The following C8orf34 variants were observed in gnomAD, a reference collection of about 807,000 sequenced individuals.
The protein encoded by C8orf34 is chromosome 8 open reading frame 34, also known as uncharacterized protein C8orf34.
A neutral mutation model predicts 68.3 loss-of-function variants in C8orf34; 65 were observed. The observed-to-expected ratio is 0.95, with a 90% CI of 0.78 to 1.17. The LOEUF (loss-of-function observed/expected upper bound fraction) is 1.17. Among genes scored for constraint, C8orf34 ranks in the 50% most tolerant of loss-of-function variants. C8orf34 has a pLI of 0.00. For missense variants in C8orf34, 664 were observed against 655.4 expected (o/e 1.01, Z -0.14); for synonymous variants, 244 against 241.2 (o/e 1.01, Z -0.11).
intron 4 of C8orf34, among the ~76,000 whole-genome samples, chr8:68,487,661 A>T (rs188746934): frequency 6.6e-6 from 1 of 152,336 alleles, no homozygotes; most frequent in Non-Finnish European, 1.5e-5. Context: ...ATTCTTAACA[A>T]GGAGCAAAAT....
At chr8:68,603,869 C>A (rs1292604809) in intron 7 of C8orf34, among the ~76,000 whole-genome samples, 1 of 151,968 alleles carries the variant, frequency 6.6e-6, no homozygotes, top group Non-Finnish European at 1.5e-5. Flanking sequence ...CTGTGTATAA[C>A]CTCAATAAAA....
chr8:68,781,783 A>T (rs1823686326), intron 11 of C8orf34, among the ~76,000 whole-genome samples: 1 of 152,214 alleles, frequency 6.6e-6, no homozygotes, highest in Admixed American at 6.5e-5. Context: ...TACTATCTTT[A>T]TGATTACAAT....
At chr8:68,379,225 C>T (rs1333223753) in intron 1 of C8orf34, among the ~76,000 whole-genome samples, 1 of 152,134 alleles carries the variant, frequency 6.6e-6, no homozygotes, top group Non-Finnish European at 1.5e-5. Context: ...TGATGGAATG[C>T]TTTAGCAACT....
At chr8:68,331,424 C>T (rs1360375450) in intron 1 of C8orf34, 85 bp downstream of exon 1, 4 of 1,402,138 alleles carry the variant, frequency 2.9e-6, no homozygotes, top group South Asian at 1.2e-5. Flanking sequence ...AATCCCACCC[C>T]TCCCAGGGAA....
chr8:68,750,056 A>C (rs1303198185), intron 10 of C8orf34, among the ~76,000 whole-genome samples: 1 of 152,186 alleles, frequency 6.6e-6, no homozygotes, highest in Admixed American at 6.6e-5. Context: ...GCAATTCTTA[A>C]GGGAACAAAA....
In C8orf34 at chr8:68,439,607, T is replaced by C; in HGVS notation, c.436T>C (p.Ser146Pro). Residue 146 changes from serine (S) to proline (P), a missense_variant, in exon 2 of 14, where the codon TCT (serine) becomes CCT (proline). Ser to Pro is a moderately conservative substitution (Grantham distance 74, BLOSUM62 -1). Coordinates refer to ENST00000518698, the MANE Select transcript of C8orf34 (RefSeq NM_052958.4). ...GNRGQLQRTL[S>P]GSAALWAESE... The stretch of plus-strand genomic sequence containing the variant: ...CCGTGGACAACTTCAAAGAACTTTG[T>C]CTGGATCTGCAGCTCTATGGGCAGA... 6.2e-7 allele frequency: 1 copy of C among 1,613,622 alleles called. No homozygotes were observed. The highest frequency in any genetic ancestry group is 2.2e-5 in the East Asian group (1 of 44,810).
chr8:68,668,654 A>G (rs1819914937), intron 8 of C8orf34, among the ~76,000 whole-genome samples: 1 of 152,206 alleles, frequency 6.6e-6, no homozygotes, highest in African/African-American at 2.4e-5. Flanking sequence ...GTGTTATATG[A>G]CAGAGCTGAC....
chr8:68,469,523 A>C (rs1227589614), intron 4 of C8orf34, among the ~76,000 whole-genome samples: 1 of 152,084 alleles, frequency 6.6e-6, no homozygotes, highest in African/African-American at 2.4e-5. Context: ...TAGGCAATAA[A>C]ATGATTATTT....
intron 8 of C8orf34, among the ~76,000 whole-genome samples, chr8:68,682,851 T>G (rs1483629138): frequency 6.6e-6 from 1 of 152,172 alleles, no homozygotes; most frequent in Non-Finnish European, 1.5e-5. Flanking sequence ...TTTTCAAATT[T>G]TGTTTACTTT....
intron 4 of C8orf34, 135 bp from the exon 5 acceptor site, chr8:68,487,888 T>C: frequency 1.7e-6 from 1 of 579,376 alleles, no homozygotes; most frequent in Non-Finnish European, 3.1e-6. Flanking sequence ...GCCACATTAT[T>C]TTGAAGCACT....
chr8:68,467,672 A>G (rs2068593), intron 3 of C8orf34, among the ~76,000 whole-genome samples: 1 of 151,680 alleles, frequency 6.6e-6, no homozygotes, highest in Non-Finnish European at 1.5e-5. Flanking sequence ...TGGTAGAGCA[A>G]CTCCAGTAGG....
At chr8:68,349,035 G>T (rs1379395220) in intron 1 of C8orf34, among the ~76,000 whole-genome samples, 1 of 151,990 alleles carries the variant, frequency 6.6e-6, no homozygotes, top group Non-Finnish European at 1.5e-5. Context: ...GGATATCCTT[G>T]TCGTTTGACA....
At chr8:68,418,001 G>C (rs1237409622) in intron 1 of C8orf34, among the ~76,000 whole-genome samples, 1 of 149,522 alleles carries the variant, frequency 6.7e-6, no homozygotes, top group Non-Finnish European at 1.5e-5. Context: ...CCTTGAAGAG[G>C]TCCTTCACAT....
At chr8:68,466,665 G>A (rs1812149742) in intron 3 of C8orf34, among the ~76,000 whole-genome samples, 1 of 148,972 alleles carries the variant, frequency 6.7e-6, no homozygotes, top group African/African-American at 2.5e-5. Context: ...TTACTAACAG[G>A]GTTTTGCGGC....
At chr8:68,500,528 T>A (rs1813720943) in intron 5 of C8orf34, among the ~76,000 whole-genome samples, 1 of 152,182 alleles carries the variant, frequency 6.6e-6, no homozygotes, top group Non-Finnish European at 1.5e-5. Flanking sequence ...GAAAATGTCC[T>A]ATATGCTAAA....
At chr8:68,571,291 G>A (rs924565533) in intron 7 of C8orf34, among the ~76,000 whole-genome samples, 1 of 152,062 alleles carries the variant, frequency 6.6e-6, no homozygotes, top group Admixed American at 6.5e-5. Context: ...GCATAATAAG[G>A]CACTTTTTAA....
At chr8:68,573,388 G>A (rs768933580) in intron 7 of C8orf34, among the ~76,000 whole-genome samples, 27 of 152,084 alleles carry the variant, frequency 1.8e-4, no homozygotes, top group Non-Finnish European at 2.9e-4. Flanking sequence ...CTAGACTGCT[G>A]GTCCAAGGAG....
intron 7 of C8orf34, among the ~76,000 whole-genome samples, chr8:68,588,215 A>C (rs982196631): frequency 6.6e-6 from 1 of 152,036 alleles, no homozygotes; most frequent in Non-Finnish European, 1.5e-5. Context: ...TATCTGAAGT[A>C]AGTATTATTG....
chr8:68,399,374 GAT>G (rs1427357673), intron 1 of C8orf34, among the ~76,000 whole-genome samples: 1 of 152,000 alleles, frequency 6.6e-6, no homozygotes, highest in African/African-American at 2.4e-5. Flanking sequence ...CATGTGTACA[GAT>G]TATTTAACTC....
Sources: gnomAD v4.1 joint callset for allele counts (sites outside exome capture counted in the v4.1 genomes callset) on GRCh38, gnomAD v4.1.1 for gene constraint, MANE v1.5 for transcripts, NCBI Gene and HGNC (gene_info 2026-07-23, HGNC 2026-07-21) for gene names.